Variants in NRL observed in about 807,000 individuals in gnomAD.
NRL encodes the protein neural retina-specific leucine zipper protein.
NRL carries 16 observed loss-of-function variants against 12.5 expected under a neutral mutation model. The ratio of observed to expected loss-of-function variants is 1.28; its 90% CI spans 0.87 to 1.95. NRL has a LOEUF of 1.95. Among genes scored for constraint, NRL ranks in the 30% most tolerant of loss-of-function variants. The pLI is 0.00. For synonymous variants in NRL, 142 were observed against 150.9 expected (o/e 0.94, Z 0.43); for missense variants, 314 against 325.8 (o/e 0.96, Z 0.28).
chr14:24,109,712 A>AG (rs1282342234), intron 1 of NRL, among the ~76,000 whole-genome samples: 3 of 152,036 alleles, frequency 2.0e-5, no homozygotes, highest in African/African-American at 7.2e-5. Context: ...AAAAAAAAAA[A>AG]AAATCTTTTA....
intron 1 of NRL, chr14:24,099,913 G>A: frequency 6.2e-7 from 1 of 1,612,620 alleles, no homozygotes; most frequent in Non-Finnish European, 8.5e-7. Flanking sequence ...CAGGACAGGG[G>A]TGGGTGGAGC....
intron 1 of NRL, chr14:24,099,558 A>T: frequency 6.3e-7 from 1 of 1,588,000 alleles, no homozygotes; most frequent in Non-Finnish European, 8.6e-7. Context: ...CAATGCACAG[A>T]TCCTGGGCAT....
intron 1 of NRL, chr14:24,100,628 T>C (rs1724302322): frequency 9.9e-7 from 1 of 1,015,196 alleles, no homozygotes; most frequent in Non-Finnish European, 1.2e-6. Context: ...ACAGAAGGTA[T>C]TGGGCTCCAA....
intron 1 of NRL, chr14:24,103,255 G>A (rs1236181702): frequency 6.2e-7 from 1 of 1,610,960 alleles, no homozygotes; most frequent in South Asian, 1.1e-5. Flanking sequence ...AGAACACAAA[G>A]GTGAGCACCC....
intron 1 of NRL, among the ~76,000 whole-genome samples, chr14:24,093,840 T>C (rs1487501404): frequency 6.6e-6 from 1 of 152,010 alleles, no homozygotes; most frequent in Non-Finnish European, 1.5e-5. Context: ...AAGTGGACCT[T>C]AGCATTGGGC....
Position 24,082,831 on chromosome 14 carries a change from G to A in NRL, c.18C>T (p.Ser6=), listed in dbSNP as rs768792853. The part of the protein sequence containing the change: MALPP[S]PLAMEYVNDF... ...CATTGACATATTCCATGGCCAGGGG[G>A]CTGGGGGGCAGGGCCATTCTGGAGC... The change falls in exon 2 of 3, where the codon AGC becomes AGT. Residue 6 remains serine (S), a synonymous_variant. Transcript: ENST00000561028. 6.2e-7 allele frequency: 1 copy of A among 1,613,098 alleles called. No homozygotes were observed. The highest frequency in any genetic ancestry group is 2.2e-5 in the East Asian group (1 of 44,870).
rs1218449415 is a variant in NRL, at chr14:24,079,186, A to G, written c.*2050T>C. Among the ~76,000 whole-genome samples the G allele has an allele frequency of 1.3e-5, 2 of 152,072 alleles. No homozygotes were observed. The highest frequency in any genetic ancestry group is 4.8e-5 in the African/African-American group (2 of 41,406). On this transcript the variant is annotated 3_prime_UTR_variant, in exon 3 of 3. Transcript: ENST00000561028. Reference sequence around the variant, plus strand: ...TTTTGAGACCCAGGTATGGTACTGTATATGTGGCCTAGTTGTGTGCTCAGG... The same window carrying G: ...TTTTGAGACCCAGGTATGGTACTGTGTATGTGGCCTAGTTGTGTGCTCAGG...
intron 1 of NRL, among the ~76,000 whole-genome samples, chr14:24,092,161 A>G (rs1285680659): frequency 1.3e-5 from 2 of 152,130 alleles, no homozygotes; most frequent in African/African-American, 4.8e-5. Context: ...TAACTTTCCA[A>G]GTGGATTTGC....
chr14:24,087,501 A>G (rs1228784233), intron 1 of NRL, among the ~76,000 whole-genome samples: 1 of 152,184 alleles, frequency 6.6e-6, no homozygotes, highest in African/African-American at 2.4e-5. Context: ...TCAGCATTCC[A>G]GGATGCTACC....
intron 1 of NRL, among the ~76,000 whole-genome samples, chr14:24,106,366 C>A (rs967407423): frequency 3.9e-5 from 6 of 152,156 alleles, no homozygotes; most frequent in Admixed American, 1.3e-4. Context: ...CAGTGACCAG[C>A]CAGAATGTGT....
Position 24,094,278 on chromosome 14 carries a change from C to A in NRL, c.-27-11403G>T. Reference sequence around the variant, plus strand: ...AGGTTCCGCCCCCGCGCCTGCCCCCCTCCTTTTTAAGCGCCTCCCGCCAGC... The same window carrying A: ...AGGTTCCGCCCCCGCGCCTGCCCCCATCCTTTTTAAGCGCCTCCCGCCAGC... On this transcript the variant is annotated intron_variant, in intron 1 of 2. Transcript: ENST00000561028. This position sits in a 1 kb window ranked among gnomAD's most constrained non-coding sequence, Gnocchi z 4.1. 1 of 918,196 alleles carries A rather than the reference C, an allele frequency of 1.1e-6. No individual in the cohort carries two copies. The highest frequency in any genetic ancestry group is 1.6e-6 in the Non-Finnish European group (1 of 607,290). 56.9% of individuals were successfully genotyped at this position (918,196 alleles called of 1,614,324 possible).
intron 1 of NRL, 142 bp from the exon 2 acceptor site, chr14:24,083,017 A>G: frequency 1.3e-6 from 1 of 767,182 alleles, no homozygotes; most frequent in Admixed American, 2.9e-5. Context: ...TGTTCACTGC[A>G]GAGTCCCCAC....
chr14:24,105,002 A>G (rs1487213049), intron 1 of NRL, among the ~76,000 whole-genome samples: 1 of 152,262 alleles, frequency 6.6e-6, no homozygotes, highest in African/African-American at 2.4e-5. Flanking sequence ...AGAGGTGTGG[A>G]GTGGGAAATC....
chr14:24,098,916 TG>T, intron 1 of NRL: 1 of 762,796 alleles, frequency 1.3e-6, no homozygotes, highest in Non-Finnish European at 2.2e-6. Flanking sequence ...TATTATGAGG[TG>T]GGGGGCTTCA....
intron 1 of NRL, chr14:24,084,885 A>G: frequency 5.2e-6 from 1 of 193,310 alleles, no homozygotes; most frequent in South Asian, 1.8e-4. Context: ...GGACAGAAAC[A>G]TGGGTCTGAA....
chr14:24,103,866 G>A (rs2037274812), intron 1 of NRL: 3 of 1,614,178 alleles, frequency 1.9e-6, no homozygotes, highest in Non-Finnish European at 1.7e-6. Flanking sequence ...GGAGGTTCGT[G>A]ACATTCGGAG....
At chr14:24,107,005 T>C (rs533371090) in intron 1 of NRL, among the ~76,000 whole-genome samples, 1 of 152,332 alleles carries the variant, frequency 6.6e-6, no homozygotes, top group Non-Finnish European at 1.5e-5. Flanking sequence ...TAATACATGT[T>C]AGCTATCATC....
chr14:24,110,060 CA>C, intron 1 of NRL, among the ~76,000 whole-genome samples: 1 of 152,078 alleles, frequency 6.6e-6, no homozygotes, highest in Non-Finnish European at 1.5e-5. Context: ...CCTTTGTCAC[CA>C]GTTCATGCAA....
intron 1 of NRL, among the ~76,000 whole-genome samples, chr14:24,084,988 A>C (rs1202375829): frequency 6.6e-6 from 1 of 151,924 alleles, no homozygotes; most frequent in Non-Finnish European, 1.5e-5. Context: ...CAGCACCCCC[A>C]CCTTCCAAGG....
Sources: allele counts gnomAD v4.1 joint callset (sites outside exome capture counted in the v4.1 genomes callset), GRCh38; gene constraint gnomAD v4.1.1; non-coding constraint Gnocchi (gnomAD v3.1); transcripts MANE v1.5; gene names NCBI Gene and HGNC (gene_info 2026-07-23, HGNC 2026-07-21).